The following C12orf42 variants were observed in gnomAD, a reference collection of about 807,000 sequenced individuals.
C12orf42 encodes the protein uncharacterized protein C12orf42.
A neutral mutation model predicts 21.6 loss-of-function variants in C12orf42; 25 were observed. The observed-to-expected ratio is 1.16, with a 90% CI of 0.84 to 1.62. The LOEUF is 1.62. C12orf42 is among the 40% of genes most tolerant of loss of function. C12orf42 has a pLI of 0.00. For missense variants in C12orf42, 483 were observed against 459.3 expected (o/e 1.05, Z -0.47); for synonymous variants, 174 against 175.0 (o/e 0.99, Z 0.05).
chr12:103,487,901 CTT>C (rs1175039394), intron 1 of C12orf42, among the ~76,000 whole-genome samples: 1 of 152,124 alleles, frequency 6.6e-6, no homozygotes. Context: ...GGTCTTGACT[CTT>C]TATCCAATTT....
intron 2 of C12orf42, among the ~76,000 whole-genome samples, chr12:103,429,545 C>A (rs1373960459): frequency 6.6e-6 from 1 of 152,100 alleles, no homozygotes; most frequent in African/African-American, 2.4e-5. Context: ...CCATATTGCC[C>A]AAAGTAATTT....
chr12:103,342,107 T>C (rs1254871382), intron 4 of C12orf42, among the ~76,000 whole-genome samples: 4 of 152,188 alleles, frequency 2.6e-5, no homozygotes, highest in Admixed American at 2.6e-4. Flanking sequence ...CTGACCAGTT[T>C]GCAGGCACAT....
intron 3 of C12orf42, among the ~76,000 whole-genome samples, chr12:103,370,760 GA>G (rs887974305): frequency 6.6e-6 from 1 of 151,976 alleles, no homozygotes; most frequent in Non-Finnish European, 1.5e-5. Flanking sequence ...GAAAGAATCA[GA>G]AAAAATACCC....
At chr12:103,551,701 C>T in the C12orf42 span, among the ~76,000 whole-genome samples, 1 of 152,076 alleles carries the variant, frequency 6.6e-6, no homozygotes, top group Non-Finnish European at 1.5e-5. Flanking sequence ...CCTGTAGTCC[C>T]AGCTACTCAG....
At chr12:103,337,350 G>T (rs984987406) in intron 4 of C12orf42, among the ~76,000 whole-genome samples, 2 of 149,766 alleles carry the variant, frequency 1.3e-5, no homozygotes, top group Non-Finnish European at 2.9e-5. Context: ...AGGTTTTTTT[G>T]TTTGTTTGTT....
chr12:103,553,627 T>A, the C12orf42 span, among the ~76,000 whole-genome samples: 3 of 152,220 alleles, frequency 2.0e-5, no homozygotes, highest in African/African-American at 7.2e-5. Context: ...AGAAATCGTT[T>A]GAGTCAGTTT....
intron 4 of C12orf42, chr12:103,368,161 A>G (rs2137875927): frequency 5.7e-6 from 4 of 705,648 alleles, no homozygotes; most frequent in East Asian, 6.5e-5. Flanking sequence ...TATGGTGACA[A>G]TGTTATGGGG....
intron 2 of C12orf42, among the ~76,000 whole-genome samples, chr12:103,463,246 C>T (rs897106885): frequency 2.0e-5 from 3 of 152,192 alleles, no homozygotes; most frequent in African/African-American, 7.2e-5. Context: ...AACCCTTCCT[C>T]TTCTAGTTCT....
intron 4 of C12orf42, among the ~76,000 whole-genome samples, chr12:103,294,838 A>G (rs1439316337): frequency 6.6e-6 from 1 of 152,134 alleles, no homozygotes; most frequent in East Asian, 1.9e-4. Flanking sequence ...GGTTTGTTGT[A>G]CAGATTATGT....
chr12:103,431,198 C>T (rs925424032), intron 2 of C12orf42: 2 of 152,152 alleles, frequency 1.3e-5, no homozygotes, highest in Non-Finnish European at 2.9e-5. Flanking sequence ...CACAGATAAT[C>T]TTCCAAATGC....
At chr12:103,518,043 T>C in the C12orf42 span, among the ~76,000 whole-genome samples, 1 of 152,156 alleles carries the variant, frequency 6.6e-6, no homozygotes. Context: ...TTAATGCCAC[T>C]GAAGGCCCAG....
chr12:103,118,091 C>T, the C12orf42 span, among the ~76,000 whole-genome samples: 5 of 152,178 alleles, frequency 3.3e-5, no homozygotes, highest in Admixed American at 6.5e-5. Flanking sequence ...CTAGTGTTTT[C>T]GTGGCCCCAG....
chr12:103,116,045 C>T, the C12orf42 span, among the ~76,000 whole-genome samples: 3 of 152,160 alleles, frequency 2.0e-5, no homozygotes, highest in East Asian at 1.9e-4. Context: ...AGCTGATCAA[C>T]GTGTCCTTTG....
chr12:103,135,231 G>A, the C12orf42 span, among the ~76,000 whole-genome samples: 2 of 152,100 alleles, frequency 1.3e-5, no homozygotes, highest in Non-Finnish European at 2.9e-5. Context: ...GACGCAGGTG[G>A]ATCACTGGAG....
the C12orf42 span, among the ~76,000 whole-genome samples, chr12:103,139,716 C>T: frequency 2.0e-5 from 3 of 152,006 alleles, no homozygotes; most frequent in Non-Finnish European, 2.9e-5. Flanking sequence ...TACTGGAGGG[C>T]TTAGGGGCTG....
chr12:103,265,511 G>A (rs1323625227), downstream of C12orf42, among the ~76,000 whole-genome samples: 2 of 152,062 alleles, frequency 1.3e-5, no homozygotes, highest in Non-Finnish European at 2.9e-5. Flanking sequence ...TATTTTAATA[G>A]CAATTTAAAA....
At chr12:103,298,084 A>G (rs896334773), downstream of C12orf42, among the ~76,000 whole-genome samples, 12 of 151,982 alleles carry the variant, frequency 7.9e-5, 1 homozygote. Flanking sequence ...TATTCAACAC[A>G]GTGTTGGAAG....
chr12:103,336,501 T>C (rs1424307529), intron 4 of C12orf42, among the ~76,000 whole-genome samples: 2 of 152,160 alleles, frequency 1.3e-5, no homozygotes, highest in Admixed American at 1.3e-4. Context: ...GAGGAAAAAA[T>C]AATTCCTATT....
the C12orf42 span, among the ~76,000 whole-genome samples, chr12:103,550,035 A>G: frequency 6.6e-6 from 1 of 152,328 alleles, no homozygotes; most frequent in South Asian, 2.1e-4. Flanking sequence ...GCTCTAAGAT[A>G]TCAGAGTTTT....
Sources: allele counts gnomAD v4.1 joint callset (sites outside exome capture counted in the v4.1 genomes callset), GRCh38; gene constraint gnomAD v4.1.1; transcripts MANE v1.5; gene names NCBI Gene and HGNC (gene_info 2026-07-23, HGNC 2026-07-21).